TRPM3: variants seen among roughly 807,000 people sequenced by gnomAD.
The protein encoded by TRPM3 is long transient receptor potential channel 3.
TRPM3 carries 77 observed loss-of-function variants against 181.2 expected under a neutral mutation model. That is an observed-to-expected ratio of 0.42 (90% CI 0.35 to 0.51). The LOEUF (loss-of-function observed/expected upper bound fraction) is 0.51, where lower values mean the gene tolerates loss of function less well. TRPM3 is among the 20% of genes least tolerant of loss of function. The probability of loss-of-function intolerance (pLI) is 0.01; values close to 1 mark genes in which losing one functional copy is unlikely to be tolerated. For synonymous variants in TRPM3, 745 were observed against 796.4 expected, an observed-to-expected ratio of 0.94 and a Z score of 1.09; for missense variants, 1,759 against 2,196.7, an observed-to-expected ratio of 0.80 and a Z score of 3.98.
intron 1 of TRPM3, among the ~76,000 whole-genome samples, chr9:70,987,258 C>A (rs1225586779): frequency 6.6e-6 from 1 of 152,052 alleles, no homozygotes; most frequent in African/African-American, 2.4e-5. Flanking sequence ...TACAGAATGG[C>A]TCAAAACTTA....
intron 6 of TRPM3, among the ~76,000 whole-genome samples, chr9:70,796,601 T>C (rs1222407920): frequency 6.6e-6 from 1 of 152,232 alleles, no homozygotes; most frequent in East Asian, 1.9e-4. Context: ...ACATCCTTTA[T>C]AAATTTGTCA....
At chr9:70,811,343 G>A (rs986177179) in intron 6 of TRPM3, 23 of 1,021,130 alleles carry the variant, frequency 2.3e-5, no homozygotes, top group African/African-American at 1.8e-4. Context: ...ATTTATATAC[G>A]TGATGGCAAC....
In TRPM3 at chr9:70,998,458, T is replaced by C. The variant is rs536995126; in HGVS notation, c.177+122720A>G. Reference sequence around the variant, plus strand: ...ATGCCTTTCTATTATGAACACCCCCTGAGGGAGGTGAATTTTGTTACAACT... The same window carrying C: ...ATGCCTTTCTATTATGAACACCCCCCGAGGGAGGTGAATTTTGTTACAACT... On this transcript the variant is annotated intron_variant, in intron 1 of 25. Coordinates refer to ENST00000677713, the MANE Select transcript of TRPM3 (RefSeq NM_001366145.2). 5.5e-4 allele frequency among the ~76,000 whole-genome samples: 83 copies of C among 152,116 alleles called. 1 individual carries two copies. Among genetic ancestry groups the C allele is most frequent in the African/African-American group, 1.7e-3 (72 of 41,498 alleles).
At chr9:70,610,528 G>C in intron 19 of TRPM3, 81 bp downstream of exon 19, 1 of 1,518,014 alleles carries the variant, frequency 6.6e-7, no homozygotes, top group Middle Eastern at 1.8e-4. Flanking sequence ...GACTTGCAGA[G>C]AAAACCACAC....
chr9:71,064,982 T>C (rs149849804), intron 1 of TRPM3, among the ~76,000 whole-genome samples: 12 of 152,266 alleles, frequency 7.9e-5, no homozygotes, highest in African/African-American at 2.6e-4. Flanking sequence ...AGGAGGCACA[T>C]TGGAAGGAAT....
At chr9:71,421,073 C>A (rs1050583640) in intron 1 of TRPM3, among the ~76,000 whole-genome samples, 1 of 150,256 alleles carries the variant, frequency 6.7e-6, no homozygotes, top group African/African-American at 2.5e-5. Context: ...AACATGGACA[C>A]AGCTGGAGGC....
chr9:70,638,919 T>C, intron 11 of TRPM3, 141 bp downstream of exon 11: 2 of 936,352 alleles, frequency 2.1e-6, no homozygotes, highest in Non-Finnish European at 3.1e-6. Flanking sequence ...GTCATCTATG[T>C]AGGTCTAAGG....
chr9:71,437,881 G>A (rs373785893), intron 1 of TRPM3, among the ~76,000 whole-genome samples: 264 of 131,460 alleles, frequency 2.0e-3, no homozygotes, highest in African/African-American at 5.2e-3. Flanking sequence ...AAAAAAAAAA[G>A]AAAAAAAAAC....
rs369962028 is a variant in TRPM3 at position 70,843,670 on chromosome 9, A to T, written c.677-543T>A. 1.6e-4 allele frequency among the ~76,000 whole-genome samples: 25 copies of T among 152,304 alleles called. No individual in the cohort carries two copies. In the East Asian group the frequency reaches 2.7e-3, roughly 16 times the overall value. On this transcript the variant is annotated intron_variant, in intron 4 of 25. Coordinates refer to ENST00000677713, the MANE Select transcript of TRPM3 (RefSeq NM_001366145.2). Reference sequence around the variant, plus strand: ...AAAATTTATGTTAAAATATATAGACACACCTTTTAATCTTCATCATTCTAA... The same window carrying T: ...AAAATTTATGTTAAAATATATAGACTCACCTTTTAATCTTCATCATTCTAA...
chr9:71,433,692 T>G (rs890108333), intron 1 of TRPM3, among the ~76,000 whole-genome samples: 2 of 152,224 alleles, frequency 1.3e-5, no homozygotes, highest in Non-Finnish European at 2.9e-5. Flanking sequence ...TGTAGACACA[T>G]AACCCAAGAT....
chr9:71,353,277 C>T (rs1565490973), intron 1 of TRPM3, among the ~76,000 whole-genome samples: 1 of 152,128 alleles, frequency 6.6e-6, no homozygotes, highest in Non-Finnish European at 1.5e-5. Context: ...CTCTACACTA[C>T]ACTAAAAACG....
intron 7 of TRPM3, among the ~76,000 whole-genome samples, chr9:70,766,228 G>A (rs911326373): frequency 2.8e-4 from 42 of 152,072 alleles, no homozygotes; most frequent in Non-Finnish European, 4.4e-5. Flanking sequence ...CCATCAAAAC[G>A]CCCCACAGTT....
At chr9:71,344,661 C>T (rs1216467833) in intron 1 of TRPM3, among the ~76,000 whole-genome samples, 6 of 152,138 alleles carry the variant, frequency 3.9e-5, no homozygotes, top group Non-Finnish European at 8.8e-5. Flanking sequence ...ACAATATCAT[C>T]ACACCACTGA....
Position 70,764,303 on chromosome 9 carries a change from T to C in TRPM3, c.1149-2579A>G, listed in dbSNP as rs1050593541. ...AGAGCTCTTCAGTATCAAGCATCCA[T>C]TGATGTTGTACATGATTAACAACAG... On this transcript the variant is annotated intron_variant, in intron 7 of 25. Transcript: ENST00000677713. Among the ~76,000 whole-genome samples the C allele has an allele frequency of 2.6e-5, 4 of 152,184 alleles. No individual in the cohort carries two copies. The East Asian group carries it at 5.8e-4, about 22-fold the overall frequency.
At chr9:71,119,439 A>G (rs7859140) in intron 1 of TRPM3, among the ~76,000 whole-genome samples, 17,789 of 151,406 alleles carry the variant, frequency 0.12, 1,287 homozygotes, top group African/African-American at 0.19. Context: ...AGATGACAGA[A>G]CTCACTCTCC....
chr9:71,430,218 T>C (rs1428058108), intron 1 of TRPM3, among the ~76,000 whole-genome samples: 5 of 152,180 alleles, frequency 3.3e-5, no homozygotes, highest in African/African-American at 1.2e-4. Flanking sequence ...GTTGTACAAA[T>C]TGAATGAGAT....
intron 1 of TRPM3, among the ~76,000 whole-genome samples, chr9:71,215,224 T>A (rs2079791127): frequency 6.6e-6 from 1 of 152,202 alleles, no homozygotes; most frequent in African/African-American, 2.4e-5. Context: ...AAAAATTTAC[T>A]TCTTAATGTA....
At position 70,891,233 on chromosome 9, in the gene TRPM3, C is replaced by T. The variant is rs111807019; in HGVS notation, c.178-26722G>A. Among the ~76,000 whole-genome samples the T allele has an allele frequency of 5.6e-3, 841 of 151,456 alleles. 9 individuals are homozygous for T. Among genetic ancestry groups the T allele is most frequent in the African/African-American group, 0.019 (792 of 41,250 alleles). ...TTTTATATACAGTGAAGAAAATTTGCATAGTCATAGAAAATAAAAACACTG... is the reference window on the plus strand; with the variant it reads ...TTTTATATACAGTGAAGAAAATTTGTATAGTCATAGAAAATAAAAACACTG... On this transcript the variant is annotated intron_variant, in intron 1 of 25. Transcript: ENST00000677713.
At chr9:71,423,626 A>T (rs1212125365) in intron 1 of TRPM3, among the ~76,000 whole-genome samples, 1 of 152,128 alleles carries the variant, frequency 6.6e-6, no homozygotes, top group Non-Finnish European at 1.5e-5. Flanking sequence ...AAAAACAAGA[A>T]AACAAAGTGC....
Sources: allele counts gnomAD v4.1 joint callset (sites outside exome capture counted in the v4.1 genomes callset), GRCh38; gene constraint gnomAD v4.1.1; transcripts MANE v1.5; gene names NCBI Gene and HGNC (gene_info 2026-07-23, HGNC 2026-07-21).